Variants in MAP3K20 observed in about 807,000 individuals in gnomAD.
The protein encoded by MAP3K20 is HCCS-4.
A neutral mutation model predicts 85.7 loss-of-function variants in MAP3K20; 40 were observed. The observed-to-expected ratio is 0.47, with a 90% CI of 0.36 to 0.61. The LOEUF (loss-of-function observed/expected upper bound fraction) is 0.61, where lower values mean the gene tolerates loss of function less well. Among genes scored for constraint, MAP3K20 ranks in the 20% least tolerant of loss-of-function variants. The pLI is 0.00. For synonymous variants in MAP3K20, 325 were observed against 327.7 expected, an observed-to-expected ratio of 0.99 and a Z score of 0.09; for missense variants, 817 against 961.7, an observed-to-expected ratio of 0.85 and a Z score of 1.99.
chr2:173,256,480 AATAGATAGATAG>A (rs56269594), intron 16 of MAP3K20, among the ~76,000 whole-genome samples: 6,184 of 149,296 alleles, frequency 0.041, 177 homozygotes, highest in African/African-American at 0.066. Context: ...AATTTAAAAA[AATAGATAGATAG>A]ATAGATAGAT....
chr2:173,094,258 A>G (rs972868600), intron 2 of MAP3K20, among the ~76,000 whole-genome samples: 12 of 152,112 alleles, frequency 7.9e-5, no homozygotes, highest in African/African-American at 2.9e-4. Context: ...CTTTTTCTCT[A>G]TATGTTATTG....
At chr2:173,176,333 T>C (rs933744818) in intron 3 of MAP3K20, among the ~76,000 whole-genome samples, 2 of 152,146 alleles carry the variant, frequency 1.3e-5, no homozygotes, top group African/African-American at 4.8e-5. Flanking sequence ...CATAACATTG[T>C]ATAAAGCAAT....
At chr2:173,149,165 G>A (rs1267690263) in intron 2 of MAP3K20, among the ~76,000 whole-genome samples, 2 of 152,208 alleles carry the variant, frequency 1.3e-5, no homozygotes, top group East Asian at 1.9e-4. Flanking sequence ...TTACATGGAT[G>A]TACTCATTTA....
At chr2:173,108,209 C>T (rs552023218) in intron 2 of MAP3K20, among the ~76,000 whole-genome samples, 39 of 151,742 alleles carry the variant, frequency 2.6e-4, no homozygotes, top group African/African-American at 7.5e-4. Context: ...GTGATCTCAC[C>T]GCAACTTCTG....
rs1191104084 is a variant in MAP3K20 at position 173,198,404 on chromosome 2, G to A, written c.669+292G>A. 1 of 196,864 alleles carries A rather than the reference G, an allele frequency of 5.1e-6. No individual in the cohort carries two copies. Among genetic ancestry groups the A allele is most frequent in the Non-Finnish European group, 1.0e-5 (1 of 96,400 alleles). The allele number at this position is 196,864 out of a possible 1,614,324, so 12.2% of individuals were successfully genotyped here. ...GGGTTTGTTCTTAGTGATGAAAGAA[G>A]CCATTGCGTCCAAGGTAGGGGAACA... On this transcript the variant is annotated intron_variant, in intron 8 of 19. Transcript: ENST00000375213. This position sits in a 1 kb window ranked among gnomAD's most constrained non-coding sequence, Gnocchi z 5.8.
rs997254979 is a variant in MAP3K20, at chr2:173,267,316, TTTTC to T, written c.*575_*578del. ...GAGGTTTTTTGTTGCTTCTTTTTTC[TTTTC>T]TTTCTTTCCCCCTCTTTTTTTTGGA... On this transcript the variant is annotated 3_prime_UTR_variant, in exon 20 of 20. Transcript: ENST00000375213. 6.6e-6 allele frequency: 1 copy of T among 152,194 alleles called. No homozygotes were observed. Among genetic ancestry groups the T allele is most frequent in the African/African-American group, 2.4e-5 (1 of 41,444 alleles). 9.4% of individuals were successfully genotyped at this position (152,194 alleles called of 1,614,324 possible).
At chr2:173,101,175 A>G (rs1317184650) in intron 2 of MAP3K20, among the ~76,000 whole-genome samples, 2 of 152,234 alleles carry the variant, frequency 1.3e-5, no homozygotes, top group African/African-American at 2.4e-5. Flanking sequence ...TGTTCCTACC[A>G]TGTTATGTGA....
intron 2 of MAP3K20, among the ~76,000 whole-genome samples, chr2:173,113,472 A>G (rs1688030208): frequency 6.6e-6 from 1 of 151,800 alleles, no homozygotes; most frequent in South Asian, 2.1e-4. Context: ...TAGTTCATTG[A>G]GGTGTGACCT....
intron 16 of MAP3K20, among the ~76,000 whole-genome samples, chr2:173,240,752 A>T (rs1287422749): frequency 6.6e-6 from 1 of 152,250 alleles, no homozygotes; most frequent in Non-Finnish European, 1.5e-5. Flanking sequence ...ATGATCCAGC[A>T]ATCCCACTCT....
Position 173,217,211 on chromosome 2 carries a change from G to T in MAP3K20, c.948G>T (p.Lys316Asn). The T allele has an allele frequency of 6.2e-7, 1 of 1,603,314 alleles. No homozygotes were observed. Reference sequence around the variant, plus strand: ...TTAAAGAACGAGAAAGACGTTTAAAGATGTGGGAGCAAAAGCTGACAGAGC... The same window carrying T: ...TTAAAGAACGAGAAAGACGTTTAAATATGTGGGAGCAAAAGCTGACAGAGC... ...QELKERERRL[K>N]MWEQKLTEQS... Residue 316 changes from lysine to asparagine, a missense_variant, in exon 11 of 20, where the codon AAG becomes AAT. Physicochemically the swap from Lys to Asn is moderately conservative, Grantham distance 94. Transcript: ENST00000375213.
chr2:173,100,568 G>A (rs3754747), intron 2 of MAP3K20, among the ~76,000 whole-genome samples: 21,872 of 152,082 alleles, frequency 0.14, 1,829 homozygotes, highest in South Asian at 0.3. Context: ...ACTCTGCTTT[G>A]AGCTGTGAAG....
chr2:173,241,614 C>T (rs964644039), intron 16 of MAP3K20, among the ~76,000 whole-genome samples: 14 of 151,606 alleles, frequency 9.2e-5, no homozygotes, highest in Non-Finnish European at 1.2e-4. Context: ...GACATCATCT[C>T]AAAAAAAATA....
At position 173,122,345 on chromosome 2, in the gene MAP3K20, G is replaced by A. The variant is rs114596440; in HGVS notation, c.159+31155G>A. 2.4e-3 allele frequency among the ~76,000 whole-genome samples: 361 copies of A among 152,270 alleles called. 3 individuals are homozygous for A. The highest frequency in any genetic ancestry group is 8.2e-3 in the African/African-American group (341 of 41,558). On this transcript the variant is annotated intron_variant, in intron 2 of 19. Coordinates refer to ENST00000375213, the MANE Select transcript of MAP3K20 (RefSeq NM_016653.3). Reference sequence around the variant, plus strand: ...GCAGAACCCTTTATAAATTGAGCTCGTGTTTTTTCTTTCTTAGTCAACTTG... The same window carrying A: ...GCAGAACCCTTTATAAATTGAGCTCATGTTTTTTCTTTCTTAGTCAACTTG...
chr2:173,258,081 A>G (rs551417457), intron 16 of MAP3K20, among the ~76,000 whole-genome samples: 2 of 152,346 alleles, frequency 1.3e-5, no homozygotes, highest in Admixed American at 6.5e-5. Context: ...AACAGAAGCC[A>G]CGAAGTAGCT....
intron 7 of MAP3K20, among the ~76,000 whole-genome samples, chr2:173,197,365 TAGTC>T (rs1317238781): frequency 6.6e-6 from 1 of 152,164 alleles, no homozygotes; most frequent in Non-Finnish European, 1.5e-5. Context: ...CACTTTCACA[TAGTC>T]AGCTTATATG....
At chr2:173,216,505 G>A (rs1684075186) in intron 10 of MAP3K20, among the ~76,000 whole-genome samples, 1 of 137,266 alleles carries the variant, frequency 7.3e-6, no homozygotes, top group Non-Finnish European at 1.6e-5. Context: ...GCTGGGTTCT[G>A]GTGTGTTTTT....
At chr2:173,149,170 C>T (rs1689224084) in intron 2 of MAP3K20, among the ~76,000 whole-genome samples, 1 of 152,186 alleles carries the variant, frequency 6.6e-6, no homozygotes. Flanking sequence ...TGGATGTACT[C>T]ATTTAATGCA....
chr2:173,093,383 T>G (rs1346817677), intron 2 of MAP3K20, among the ~76,000 whole-genome samples: 5 of 152,192 alleles, frequency 3.3e-5, no homozygotes, highest in Non-Finnish European at 7.4e-5. Context: ...AAGAATGACT[T>G]AATATTAGAC....
intron 12 of MAP3K20, 37 bp downstream of exon 12, chr2:173,229,770 C>A (rs1684479115): frequency 1.9e-6 from 3 of 1,610,174 alleles, no homozygotes; most frequent in Non-Finnish European, 2.5e-6. Context: ...TTGACTTGAG[C>A]AGGTATTTCA....
Sources: allele counts gnomAD v4.1 joint callset (sites outside exome capture counted in the v4.1 genomes callset), GRCh38; gene constraint gnomAD v4.1.1; non-coding constraint Gnocchi (gnomAD v3.1); transcripts MANE v1.5; gene names NCBI Gene and HGNC (gene_info 2026-07-23, HGNC 2026-07-21).